Variants in WDR59 observed in about 807,000 individuals in gnomAD.
WDR59 encodes WD repeat domain 59, also known as GATOR2 complex protein WDR59.
A neutral mutation model predicts 131.2 loss-of-function variants in WDR59; 100 were observed. The observed-to-expected ratio is 0.76, with a 90% CI of 0.65 to 0.90. The LOEUF is 0.90. Among genes scored for constraint, WDR59 ranks in the 40% least tolerant of loss-of-function variants. The pLI, the probability that WDR59 is intolerant of heterozygous loss-of-function variation, is 0.00. For synonymous variants in WDR59, 601 were observed against 466.2 expected, an observed-to-expected ratio of 1.29 and a Z score of -3.72; for missense variants, 1,203 against 1,262.2, an observed-to-expected ratio of 0.95 and a Z score of 0.71.
intron 13 of WDR59, among the ~76,000 whole-genome samples, chr16:74,913,195 C>T (rs9930681): frequency 0.99 from 151,295 of 152,110 alleles, 75,252 homozygotes; most frequent in Middle Eastern, 1. Flanking sequence ...CTGCAGACTA[C>T]ACAAAGACAA....
chr16:74,896,966 GGCT>G (rs1965326186), intron 18 of WDR59, among the ~76,000 whole-genome samples: 1 of 152,182 alleles, frequency 6.6e-6, no homozygotes, highest in Non-Finnish European at 1.5e-5. Context: ...AGGCCTGTCA[GGCT>G]GCTAAGCTCA....
chr16:74,970,495 CAAAAAAAA>C (rs746574195), intron 1 of WDR59, among the ~76,000 whole-genome samples: 67 of 33,430 alleles, frequency 2.0e-3, no homozygotes, highest in Middle Eastern at 0.026. Flanking sequence ...ACTCTGTCTC[CAAAAAAAA>C]AAAAAAAAAA....
chr16:74,898,961 T>C (rs560560664), intron 18 of WDR59, among the ~76,000 whole-genome samples: 6 of 152,322 alleles, frequency 3.9e-5, no homozygotes, highest in Non-Finnish European at 8.8e-5. Context: ...ATGACAAGGC[T>C]ATAGGATGAT....
In WDR59 at chr16:74,914,632, C is replaced by T. The variant is rs373020967; in HGVS notation, c.1224+1238G>A. Reference sequence around the variant, plus strand: ...TTTTCGAGACGGAGTCTTGCTCTGTCGCCAGGCTGGAGTGTAGTGGTGTGA... The same window carrying T: ...TTTTCGAGACGGAGTCTTGCTCTGTTGCCAGGCTGGAGTGTAGTGGTGTGA... On this transcript the variant is annotated intron_variant, in intron 13 of 25. Transcript: ENST00000262144. Among the ~76,000 whole-genome samples, 5 of 150,176 alleles carry T rather than the reference C, an allele frequency of 3.3e-5. No homozygotes were observed. In the East Asian group the frequency reaches 9.7e-4, roughly 29 times the overall value.
intron 11 of WDR59, 56 bp downstream of exon 11, chr16:74,917,873 C>G: frequency 7.4e-7 from 1 of 1,350,500 alleles, no homozygotes; most frequent in South Asian, 1.2e-5. Flanking sequence ...AATCCTGAAT[C>G]TTACACTTTT....
rs758724216 is a variant in WDR59 at position 74,909,598 on chromosome 16, G to T, written c.1545C>A (p.Pro515=). 7 of 1,608,908 alleles carry T rather than the reference G, an allele frequency of 4.4e-6. No homozygotes were observed. The highest frequency in any genetic ancestry group is 5.9e-6 in the Non-Finnish European group (7 of 1,177,922). The stretch of plus-strand genomic sequence containing the variant: ...TGGTCACCCGCGCAAACGTCGGTAA[G>T]GGGGGAGTGACAGAGTTGGGGAGTG... The part of the protein sequence containing the change: ...PFALPNSVTP[P]LPTFARVTTA... Residue 515 remains proline (P), a synonymous_variant, in exon 16 of 26, where the codon CCC becomes CCA. Coordinates refer to ENST00000262144, the MANE Select transcript of WDR59 (RefSeq NM_030581.4).
At chr16:74,963,331 A>C (rs1480206725) in intron 2 of WDR59, 1 of 152,220 alleles carries the variant, frequency 6.6e-6, no homozygotes, top group African/African-American at 2.4e-5. Context: ...AAAGACATGG[A>C]ATCAATCCAA....
intron 25 of WDR59, among the ~76,000 whole-genome samples, chr16:74,884,498 A>G (rs2081251): frequency 0.94 from 143,311 of 152,284 alleles, 67,664 homozygotes; most frequent in East Asian, 1. Context: ...ATAGGTGTGC[A>G]CTAGCACGCC....
chr16:74,877,400 C>T (rs1715404273), intron 25 of WDR59, among the ~76,000 whole-genome samples: 1 of 152,178 alleles, frequency 6.6e-6, no homozygotes, highest in Admixed American at 6.5e-5. Context: ...AGGTTCCTTA[C>T]AGCACCAAAA....
At chr16:74,881,872 C>CAAAAAAAAA (rs1231563634) in intron 25 of WDR59, among the ~76,000 whole-genome samples, 8 of 48,078 alleles carry the variant, frequency 1.7e-4, no homozygotes, top group Admixed American at 4.6e-4. Context: ...GACTCCGTCT[C>CAAAAAAAAA]AAAAAAAAAA....
chr16:74,946,174 T>C (rs186173797), intron 6 of WDR59, among the ~76,000 whole-genome samples: 2 of 152,300 alleles, frequency 1.3e-5, no homozygotes, highest in East Asian at 1.9e-4. Flanking sequence ...TTATTATTAG[T>C]TGTTGCTGTT....
intron 7 of WDR59, among the ~76,000 whole-genome samples, chr16:74,940,488 A>G (rs1448869665): frequency 6.6e-6 from 1 of 152,176 alleles, no homozygotes; most frequent in Non-Finnish European, 1.5e-5. Flanking sequence ...AAGAAGGCCT[A>G]TGTACAATAA....
intron 25 of WDR59, among the ~76,000 whole-genome samples, chr16:74,881,363 AT>A (rs1200369770): frequency 7.8e-4 from 114 of 145,502 alleles, no homozygotes; most frequent in East Asian, 1.6e-3. Flanking sequence ...TTTTTCTTTA[AT>A]TTTTTTTTTT....
At chr16:74,967,027 A>G (rs975497771) in intron 1 of WDR59, among the ~76,000 whole-genome samples, 1 of 152,188 alleles carries the variant, frequency 6.6e-6, no homozygotes, top group African/African-American at 2.4e-5. Context: ...TAAATGCTCT[A>G]AGTTCTCTCC....
intron 2 of WDR59, among the ~76,000 whole-genome samples, chr16:74,961,240 C>T (rs1246582220): frequency 1.3e-5 from 2 of 151,728 alleles, no homozygotes; most frequent in Non-Finnish European, 2.9e-5. Flanking sequence ...CCCTGGAAGT[C>T]GAGACTGCAG....
chr16:74,953,688 A>C (rs2033129045), intron 3 of WDR59, among the ~76,000 whole-genome samples: 1 of 152,102 alleles, frequency 6.6e-6, no homozygotes, highest in South Asian at 2.1e-4. Flanking sequence ...GTAAAAATGC[A>C]AACAACCCAA....
intron 3 of WDR59, among the ~76,000 whole-genome samples, chr16:74,953,942 C>T (rs2145151848): frequency 6.8e-6 from 1 of 147,816 alleles, no homozygotes; most frequent in South Asian, 2.2e-4. Context: ...GTGGAGCTTG[C>T]AGAGAGCTGA....
At chr16:74,960,553 C>A (rs568886555) in intron 2 of WDR59, among the ~76,000 whole-genome samples, 2 of 151,554 alleles carry the variant, frequency 1.3e-5, no homozygotes, top group African/African-American at 4.8e-5. Flanking sequence ...GAGATCAGCC[C>A]GGCCAACACA....
chr16:74,943,555 G>A (rs1211111614), intron 6 of WDR59, among the ~76,000 whole-genome samples: 2 of 152,146 alleles, frequency 1.3e-5, no homozygotes, highest in African/African-American at 4.8e-5. Flanking sequence ...GCTGAGACAT[G>A]GAAAACTGGG....
Sources: gnomAD v4.1 joint callset for allele counts (sites outside exome capture counted in the v4.1 genomes callset) on GRCh38, gnomAD v4.1.1 for gene constraint, MANE v1.5 for transcripts, NCBI Gene and HGNC (gene_info 2026-07-23, HGNC 2026-07-21) for gene names.